The following EML6 variants were observed in gnomAD, a reference collection of about 807,000 sequenced individuals.
EML6 encodes the protein EMAP like 6.
A neutral mutation model predicts 240.1 loss-of-function variants in EML6; 154 were observed. The observed-to-expected ratio is 0.64, with a 90% CI of 0.56 to 0.73. The LOEUF is 0.73. Ranked by LOEUF, EML6 falls within the 30% of genes least tolerant of loss-of-function variation. EML6 has a pLI of 0.00. For missense variants in EML6, 2,964 were observed against 2,474.6 expected (o/e 1.20, Z -4.20); for synonymous variants, 1,148 against 899.0 (o/e 1.28, Z -4.95).
chr2:54,912,213 T>A (rs572615415), intron 25 of EML6, among the ~76,000 whole-genome samples: 51 of 152,172 alleles, frequency 3.4e-4, no homozygotes, highest in Non-Finnish European at 6.9e-4. Context: ...GGCATTGTAT[T>A]AATGGAAACT....
intron 21 of EML6, among the ~76,000 whole-genome samples, chr2:54,899,423 A>G (rs1282887122): frequency 6.6e-6 from 1 of 152,240 alleles, no homozygotes; most frequent in African/African-American, 2.4e-5. Flanking sequence ...TGCTTTGCAA[A>G]TGAATGATTT....
chr2:54,853,497 A>G (rs982309269), intron 10 of EML6, 146 bp from the exon 11 acceptor site: 98 of 545,056 alleles, frequency 1.8e-4, no homozygotes, highest in Non-Finnish European at 2.5e-4. Context: ...CACGCAAAAA[A>G]AGAAAAAATC....
chr2:54,931,597 G>A (rs1208654899), intron 28 of EML6, among the ~76,000 whole-genome samples: 1 of 152,166 alleles, frequency 6.6e-6, no homozygotes, highest in Non-Finnish European at 1.5e-5. Flanking sequence ...TTGAGAGGCA[G>A]GGGTTTTCCT....
chr2:54,866,631 TATTC>T (rs1251343672), intron 13 of EML6, 131 bp from the exon 14 acceptor site: 10 of 487,144 alleles, frequency 2.1e-5, no homozygotes, highest in Middle Eastern at 3.1e-4. Flanking sequence ...GAAAAAGTAA[TATTC>T]ATTCTCATGT....
chr2:54,789,532 A>AAAAAAAG (rs1553378195), intron 2 of EML6, among the ~76,000 whole-genome samples: 1,605 of 143,206 alleles, frequency 0.011, 20 homozygotes, highest in Non-Finnish European at 0.018. Context: ...AAAAAAAAAA[A>AAAAAAAG]AAAAAAAAAA....
chr2:54,937,938 A>G (rs1329424553), intron 28 of EML6, among the ~76,000 whole-genome samples: 3 of 152,218 alleles, frequency 2.0e-5, no homozygotes, highest in Non-Finnish European at 4.4e-5. Context: ...TCTTACGTAT[A>G]AAACCTCTTT....
In EML6 at chr2:54,948,778, G is replaced by T. The variant is rs1466910759; in HGVS notation, c.4005-104G>T. 6.2e-6 allele frequency: 5 copies of T among 806,116 alleles called. No homozygotes were observed. In the African/African-American group the frequency reaches 8.6e-5, roughly 14 times the overall value. The allele number at this position is 806,116 out of a possible 1,614,324, so 49.9% of individuals were successfully genotyped here. Reference sequence around the variant, plus strand: ...TCCAAGTGGAGGGGCCTTTGAGGCGGGAGGAGAGAGGAGGCCGGCACTGGC... The same window carrying T: ...TCCAAGTGGAGGGGCCTTTGAGGCGTGAGGAGAGAGGAGGCCGGCACTGGC... On this transcript the variant is annotated intron_variant, in intron 28 of 41. Coordinates refer to ENST00000356458, the MANE Select transcript of EML6 (RefSeq NM_001039753.4).
At chr2:54,917,224 A>G (rs1015969011) in intron 26 of EML6, among the ~76,000 whole-genome samples, 9 of 152,204 alleles carry the variant, frequency 5.9e-5, no homozygotes, top group Admixed American at 2.0e-4. Flanking sequence ...GTGCCTTTCT[A>G]ACTTTCATTA....
At chr2:54,829,797 C>T (rs1171075292) in intron 7 of EML6, among the ~76,000 whole-genome samples, 1 of 152,094 alleles carries the variant, frequency 6.6e-6, no homozygotes, top group East Asian at 1.9e-4. Flanking sequence ...TACCCAGCCT[C>T]TGAAAACAAA....
intron 2 of EML6, among the ~76,000 whole-genome samples, chr2:54,771,587 A>T (rs1356253612): frequency 2.0e-5 from 3 of 152,226 alleles, no homozygotes; most frequent in Admixed American, 2.0e-4. Flanking sequence ...CCATTTTCAG[A>T]ACGTCTGCTA....
intron 2 of EML6, among the ~76,000 whole-genome samples, chr2:54,785,378 G>T (rs1275525293): frequency 6.6e-6 from 1 of 151,876 alleles, no homozygotes; most frequent in East Asian, 1.9e-4. Context: ...GTTTCACCAT[G>T]TTGCCAGGCT....
chr2:54,879,813 A>G, intron 17 of EML6, 173 bp downstream of exon 17: 1 of 596,002 alleles, frequency 1.7e-6, no homozygotes, highest in Non-Finnish European at 3.0e-6. Flanking sequence ...AACCTGACTT[A>G]GAGCAGGTCA....
intron 24 of EML6, among the ~76,000 whole-genome samples, chr2:54,908,991 C>T (rs972211612): frequency 6.6e-6 from 1 of 152,192 alleles, no homozygotes; most frequent in African/African-American, 2.4e-5. Flanking sequence ...TGTTTAGATT[C>T]TCGAATATTT....
At chr2:54,837,689 A>G (rs1392211509) in intron 7 of EML6, among the ~76,000 whole-genome samples, 1 of 152,218 alleles carries the variant, frequency 6.6e-6, no homozygotes, top group Admixed American at 6.5e-5. Flanking sequence ...TGAATTTTCA[A>G]CAATCTGACA....
intron 9 of EML6, among the ~76,000 whole-genome samples, chr2:54,848,225 A>G (rs1669874325): frequency 6.6e-6 from 1 of 152,240 alleles, no homozygotes; most frequent in Non-Finnish European, 1.5e-5. Flanking sequence ...GAAAAAAATT[A>G]TGACCCACTC....
At chr2:54,955,395 T>C (rs577951713) in intron 32 of EML6, among the ~76,000 whole-genome samples, 1 of 152,228 alleles carries the variant, frequency 6.6e-6, no homozygotes, top group South Asian at 2.1e-4. Context: ...TCAAGGGGTG[T>C]GGCTTTCAAG....
chr2:54,775,212 T>C (rs1668549305), intron 2 of EML6, among the ~76,000 whole-genome samples: 2 of 152,198 alleles, frequency 1.3e-5, no homozygotes, highest in South Asian at 4.1e-4. Flanking sequence ...CTCTCAACCC[T>C]TGCTGCCCAG....
intron 17 of EML6, among the ~76,000 whole-genome samples, 160 bp from the exon 18 acceptor site, chr2:54,890,894 G>A (rs527764118): frequency 2.6e-5 from 4 of 152,260 alleles, no homozygotes; most frequent in Non-Finnish European, 5.9e-5. Context: ...AAAAGCCAAA[G>A]CTCGTTATTT....
Position 54,970,145 on chromosome 2 carries a change from C to T in EML6, c.*50C>T, listed in dbSNP as rs1676927097. On this transcript the variant is annotated 3_prime_UTR_variant, in exon 42 of 42. Coordinates refer to ENST00000356458, the MANE Select transcript of EML6 (RefSeq NM_001039753.4). ...TGCTGCTGCTGCTACCAGCCAGCAA[C>T]TGCAGAGGCCATGCTGAGGTGCCTC... 2 of 1,541,608 alleles carry T rather than the reference C, an allele frequency of 1.3e-6. No individual in the cohort carries two copies. The highest frequency in any genetic ancestry group is 2.0e-5 in the Admixed American group (1 of 50,994).
Sources: allele counts gnomAD v4.1 joint callset (sites outside exome capture counted in the v4.1 genomes callset), GRCh38; gene constraint gnomAD v4.1.1; transcripts MANE v1.5; gene names NCBI Gene and HGNC (gene_info 2026-07-23, HGNC 2026-07-21).